HERC3: variants seen among roughly 807,000 people sequenced by gnomAD.
The protein encoded by HERC3 is HECT and RLD domain containing E3 ubiquitin protein ligase 3.
HERC3 carries 58 observed loss-of-function variants against 129.9 expected under a neutral mutation model. The ratio of observed to expected loss-of-function variants is 0.45; its 90% CI spans 0.36 to 0.56. HERC3 has a LOEUF of 0.56. Ranked by LOEUF, HERC3 falls within the 20% of genes least tolerant of loss-of-function variation. The pLI is 0.00. For synonymous variants in HERC3, 430 were observed against 451.0 expected, an observed-to-expected ratio of 0.95 and a Z score of 0.59; for missense variants, 835 against 1,244.2, an observed-to-expected ratio of 0.67 and a Z score of 4.95.
At chr4:88,703,166 T>C (rs1271811334) in intron 23 of HERC3, among the ~76,000 whole-genome samples, 1 of 152,084 alleles carries the variant, frequency 6.6e-6, no homozygotes, top group African/African-American at 2.4e-5. Flanking sequence ...CCTTAACCAG[T>C]CACATAGGAT....
At chr4:88,697,646 A>C (rs770203097) in intron 23 of HERC3, 2 of 1,613,552 alleles carry the variant, frequency 1.2e-6, no homozygotes, top group Non-Finnish European at 1.7e-6. Context: ...GCGCTGTCAC[A>C]GTCTCCACCC....
chr4:88,566,391 C>CT, the HERC3 span, among the ~76,000 whole-genome samples: 6,179 of 150,048 alleles, frequency 0.041, 177 homozygotes, highest in Middle Eastern at 0.062. Flanking sequence ...AGAATAAAAA[C>CT]TCTACACTTT....
At chr4:88,576,245 A>G in the HERC3 span, among the ~76,000 whole-genome samples, 1 of 151,580 alleles carries the variant, frequency 6.6e-6, no homozygotes, top group African/African-American at 2.4e-5. Context: ...TGGCCTTTAT[A>G]ATTCTACTAC....
chr4:88,549,997 C>A, the HERC3 span, among the ~76,000 whole-genome samples: 10 of 151,964 alleles, frequency 6.6e-5, no homozygotes, highest in Admixed American at 6.6e-4. Flanking sequence ...ATTGGGGAAT[C>A]GAAACTTTAG....
At position 88,666,545 on chromosome 4, in the gene HERC3, T is replaced by C. The variant is rs186421601; in HGVS notation, c.1332-832T>C. 3.9e-5 allele frequency among the ~76,000 whole-genome samples: 6 copies of C among 152,286 alleles called. No homozygotes were observed. The East Asian group carries it at 7.7e-4, about 20-fold the overall frequency. On this transcript the variant is annotated intron_variant, in intron 12 of 25. Transcript: ENST00000402738. ...ACATATAATTATGATTTTTAAAAAATGTTAGAAACTCTTATGTTTTCAAAA... is the reference window on the plus strand; with the variant it reads ...ACATATAATTATGATTTTTAAAAAACGTTAGAAACTCTTATGTTTTCAAAA...
chr4:88,529,961 A>G, the HERC3 span, among the ~76,000 whole-genome samples: 11 of 152,236 alleles, frequency 7.2e-5, no homozygotes, highest in South Asian at 4.1e-4. Flanking sequence ...CTCAGATTAT[A>G]TTAGGAGGTG....
chr4:88,558,804 A>C, the HERC3 span, among the ~76,000 whole-genome samples: 6 of 151,552 alleles, frequency 4.0e-5, no homozygotes, highest in Non-Finnish European at 8.8e-5. Flanking sequence ...TCTACTAGAA[A>C]AAAAAAAAGA....
intron 2 of HERC3, among the ~76,000 whole-genome samples, chr4:88,598,384 C>T (rs987975170): frequency 7.9e-5 from 12 of 152,190 alleles, no homozygotes; most frequent in African/African-American, 2.9e-4. Flanking sequence ...AAACTTCCTC[C>T]TATCAACCTC....
chr4:88,538,832 C>A, the HERC3 span, among the ~76,000 whole-genome samples: 2 of 152,230 alleles, frequency 1.3e-5, no homozygotes, highest in Admixed American at 6.5e-5. Flanking sequence ...CGTGAGCCAC[C>A]ATGCCCGGCC....
In HERC3 at chr4:88,634,483, G is replaced by A. The variant is rs1727135527; in HGVS notation, c.227-15357G>A. ...ACTAGGGGCTAAGGGACAGAACTCT[G>A]ATCTCCCTAGGCCTGAACCCCTAGG... On this transcript the variant is annotated intron_variant, in intron 3 of 25. Transcript: ENST00000402738. Among the ~76,000 whole-genome samples the A allele has an allele frequency of 2.0e-5, 3 of 152,104 alleles. No individual in the cohort carries two copies. The South Asian group carries it at 6.2e-4, about 32-fold the overall frequency.
At chr4:88,589,122 C>T (rs1335989214), upstream of HERC3, among the ~76,000 whole-genome samples, 1 of 152,002 alleles carries the variant, frequency 6.6e-6, no homozygotes, top group Non-Finnish European at 1.5e-5. Flanking sequence ...TTGGAGTCTC[C>T]TCTGTCATCC....
At chr4:88,560,402 A>G in the HERC3 span, among the ~76,000 whole-genome samples, 61,349 of 152,024 alleles carry the variant, frequency 0.4, 14,769 homozygotes, top group African/African-American at 0.68. Context: ...GGAGAAAGAC[A>G]CAGGTCTTTT....
chr4:88,525,914 G>A, the HERC3 span, among the ~76,000 whole-genome samples: 2 of 152,136 alleles, frequency 1.3e-5, no homozygotes, highest in African/African-American at 2.4e-5. Context: ...CTGACCTTTC[G>A]TGTCACATAG....
chr4:88,615,711 C>CT (rs1186453734), intron 3 of HERC3, among the ~76,000 whole-genome samples: 1 of 152,056 alleles, frequency 6.6e-6, no homozygotes, highest in African/African-American at 2.4e-5. Context: ...AATACATTGC[C>CT]TATCAGATAC....
intron 1 of HERC3, among the ~76,000 whole-genome samples, 184 bp downstream of exon 1, chr4:88,592,758 G>C (rs934611981): frequency 6.6e-6 from 1 of 152,098 alleles, no homozygotes; most frequent in African/African-American, 2.4e-5. Context: ...TCTGGGGCGC[G>C]GGGAGGTTGG....
At chr4:88,637,620 C>G (rs886071407) in intron 3 of HERC3, among the ~76,000 whole-genome samples, 1 of 152,160 alleles carries the variant, frequency 6.6e-6, no homozygotes, top group Non-Finnish European at 1.5e-5. Context: ...AAATTTATAG[C>G]ACTAAATGCC....
chr4:88,669,918 A>G lies in HERC3; in HGVS notation c.1692A>G (p.Lys564=), dbSNP rs1250843546. Residue 564 remains lysine (K), a synonymous_variant, in exon 15 of 26, where the codon AAA becomes AAG. Transcript: ENST00000402738. ...TCATGAAGCTGGTAAACCTCTATAA[A>G]GGTGCAGTCCTTTATCTACTGAGGG... ...KYFMKLVNLY[K]GAVLYLLRGR... 1.2e-6 allele frequency: 2 copies of G among 1,613,594 alleles called. No individual in the cohort carries two copies. The highest frequency in any genetic ancestry group is 1.7e-6 in the Non-Finnish European group (2 of 1,179,680).
chr4:88,531,270 C>T, the HERC3 span, among the ~76,000 whole-genome samples: 8 of 151,938 alleles, frequency 5.3e-5, no homozygotes, highest in East Asian at 1.4e-3. Context: ...GTTGAACTGG[C>T]CTCAAGCTGT....
chr4:88,699,189 C>T (rs1225340745), intron 23 of HERC3, among the ~76,000 whole-genome samples: 1 of 54,796 alleles, frequency 1.8e-5, no homozygotes, highest in Non-Finnish European at 3.4e-5. Flanking sequence ...TTCTTCCTCA[C>T]GCTCCTCACC....
Sources: gnomAD v4.1 joint callset for allele counts (sites outside exome capture counted in the v4.1 genomes callset) on GRCh38, gnomAD v4.1.1 for gene constraint, MANE v1.5 for transcripts, NCBI Gene and HGNC (gene_info 2026-07-23, HGNC 2026-07-21) for gene names.